EML6: variants seen among roughly 807,000 people sequenced by gnomAD.
The protein encoded by EML6 is echinoderm microtubule-associated protein-like 6.
Under a neutral mutation model 240.1 loss-of-function variants are expected in EML6, and 154 were observed. That is an observed-to-expected ratio of 0.64 (90% confidence interval 0.56 to 0.73). The LOEUF is 0.73. Among genes scored for constraint, EML6 ranks in the 30% least tolerant of loss-of-function variants. The probability of loss-of-function intolerance (pLI) is 0.00; values close to 1 mark genes in which losing one functional copy is unlikely to be tolerated. For synonymous variants in EML6, 1,148 were observed against 899.0 expected, an observed-to-expected ratio of 1.28 and a Z score of -4.95; for missense variants, 2,964 against 2,474.6, an observed-to-expected ratio of 1.20 and a Z score of -4.20.
intron 17 of EML6, among the ~76,000 whole-genome samples, chr2:54,886,058 AG>A (rs1356424654): frequency 6.6e-6 from 1 of 151,202 alleles, no homozygotes; most frequent in Non-Finnish European, 1.5e-5. Context: ...GCCAAAGTAG[AG>A]GGAATAGCAT....
chr2:54,928,118 C>G (rs902412734), intron 26 of EML6, among the ~76,000 whole-genome samples, 195 bp from the exon 27 acceptor site: 12 of 152,296 alleles, frequency 7.9e-5, no homozygotes, highest in African/African-American at 2.9e-4. Flanking sequence ...ATATTGAGGA[C>G]CTATTGTGAG....
At chr2:54,944,498 A>G (rs563329802) in intron 28 of EML6, among the ~76,000 whole-genome samples, 1 of 152,236 alleles carries the variant, frequency 6.6e-6, no homozygotes, top group East Asian at 1.9e-4. Flanking sequence ...CCTCTCTTGG[A>G]TCATCACAGT....
At chr2:54,946,739 C>G (rs1033288925) in intron 28 of EML6, among the ~76,000 whole-genome samples, 1 of 152,154 alleles carries the variant, frequency 6.6e-6, no homozygotes, top group Non-Finnish European at 1.5e-5. Flanking sequence ...ACTAAGTGTT[C>G]ACGCAGAATC....
At chr2:54,735,671 A>G (rs1413472865) in intron 2 of EML6, among the ~76,000 whole-genome samples, 1 of 152,252 alleles carries the variant, frequency 6.6e-6, no homozygotes, top group Admixed American at 6.5e-5. Flanking sequence ...TGAATGAGAC[A>G]TTCCTTTTGA....
chr2:54,773,325 C>T (rs1489097973), intron 2 of EML6, among the ~76,000 whole-genome samples: 1 of 152,266 alleles, frequency 6.6e-6, no homozygotes, highest in Non-Finnish European at 1.5e-5. Context: ...CAGCAAGACA[C>T]TAGGACAAGT....
chr2:54,864,944 G>A (rs1210950855), intron 13 of EML6, among the ~76,000 whole-genome samples: 1 of 152,172 alleles, frequency 6.6e-6, no homozygotes, highest in African/African-American at 2.4e-5. Flanking sequence ...TCTTGACTGT[G>A]CATTGACACA....
In EML6 at chr2:54,796,790, C is replaced by G. The variant is rs560408690; in HGVS notation, c.198-16442C>G. Among the ~76,000 whole-genome samples the G allele has an allele frequency of 2.6e-5, 4 of 152,002 alleles. No individual in the cohort carries two copies. The South Asian group carries it at 8.3e-4, about 32-fold the overall frequency. ...ACATAAGTGAATGCATAGAACAAAC[C>G]GTTTTAGAGCACCGCCAGGCTATTA... On this transcript the variant is annotated intron_variant, in intron 2 of 41. Transcript: ENST00000356458.
chr2:54,895,954 CAT>C (rs564513365), intron 21 of EML6, among the ~76,000 whole-genome samples: 39 of 152,340 alleles, frequency 2.6e-4, no homozygotes, highest in South Asian at 2.5e-3. Flanking sequence ...TATGTGGAAT[CAT>C]AACATTCCAT....
At position 54,960,244 on chromosome 2, in the gene EML6, A is replaced by G. The variant is rs1676433400; in HGVS notation, c.4878A>G (p.Lys1626=). 6.4e-7 allele frequency: 1 copy of G among 1,551,546 alleles called. No individual in the cohort carries two copies. Among genetic ancestry groups the G allele is most frequent in the Non-Finnish European group, 8.7e-7 (1 of 1,146,928 alleles). ...ERPTKEGGAV[K]LWDQEMKRCR... is the part of the protein sequence containing the mutation. ...GGACCAAAGAAGGAGGTGCTGTAAA[A>G]TTGTGGGACCAGGAGATGAAGCGCT... Residue 1626 remains lysine, a synonymous_variant, in exon 35 of 42, where the codon AAA becomes AAG. Coordinates refer to ENST00000356458, the MANE Select transcript of EML6 (RefSeq NM_001039753.4).
chr2:54,741,075 G>A (rs909671637), intron 2 of EML6, among the ~76,000 whole-genome samples: 1 of 152,116 alleles, frequency 6.6e-6, no homozygotes, highest in East Asian at 1.9e-4. Flanking sequence ...AAATGACAGT[G>A]CAGGCCACAC....
rs921434147 is a variant in EML6 at position 54,863,893 on chromosome 2, G to T, written c.1932+4G>T. ...TCAAATCAATTATGATCGCCAGGTC[G>T]GTAAGCAGGGAGCAATGAAAATTTG... On this transcript the variant is annotated splice_donor_region_variant and intron_variant, in intron 13 of 41. Transcript: ENST00000356458. 6.7e-7 allele frequency: 1 copy of T among 1,494,120 alleles called. No individual in the cohort carries two copies. Among genetic ancestry groups the T allele is most frequent in the Non-Finnish European group, 9.1e-7 (1 of 1,100,162 alleles). 92.6% of individuals were successfully genotyped at this position (1,494,120 alleles called of 1,614,324 possible).
intron 38 of EML6, 89 bp from the exon 39 acceptor site, chr2:54,966,911 C>T (rs1188353076): frequency 2.5e-6 from 2 of 803,434 alleles, no homozygotes; most frequent in African/African-American, 3.5e-5. Flanking sequence ...GATGCAGAGG[C>T]TGGGCAGTGT....
chr2:54,959,083 A>G, intron 33 of EML6, 21 bp from the exon 34 acceptor site: 1 of 1,543,766 alleles, frequency 6.5e-7, no homozygotes, highest in Non-Finnish European at 8.7e-7. Context: ...CCGGGTGTAG[A>G]AGATGTTGTT....
chr2:54,964,849 C>G (rs894115877), intron 38 of EML6, 116 bp downstream of exon 38: 10 of 901,176 alleles, frequency 1.1e-5, no homozygotes, highest in Non-Finnish European at 1.7e-5. Flanking sequence ...TCACTCTTCA[C>G]CAGAACTCCT....
intron 2 of EML6, among the ~76,000 whole-genome samples, chr2:54,758,382 G>A (rs1159959017): frequency 6.6e-6 from 1 of 152,148 alleles, no homozygotes; most frequent in African/African-American, 2.4e-5. Flanking sequence ...GTTTTGCCTT[G>A]CTTCTGATGG....
At chr2:54,898,452 G>A (rs1443390262) in intron 21 of EML6, among the ~76,000 whole-genome samples, 2 of 152,054 alleles carry the variant, frequency 1.3e-5, no homozygotes, top group African/African-American at 2.4e-5. Flanking sequence ...TGTGACTCTG[G>A]GGCTGGGAGG....
intron 2 of EML6, among the ~76,000 whole-genome samples, chr2:54,742,242 C>T (rs72806698): frequency 0.12 from 18,998 of 152,138 alleles, 1,357 homozygotes; most frequent in Middle Eastern, 0.18. Flanking sequence ...ACCTTTTTGC[C>T]ATTATCTCTT....
intron 26 of EML6, among the ~76,000 whole-genome samples, chr2:54,918,514 T>C (rs1201243204): frequency 1.3e-5 from 2 of 152,036 alleles, no homozygotes; most frequent in Non-Finnish European, 2.9e-5. Context: ...GCCCAGCTAA[T>C]TTTTTTACTT....
intron 9 of EML6, 144 bp downstream of exon 9, chr2:54,847,767 C>T (rs1252065850): frequency 2.2e-6 from 2 of 914,790 alleles, no homozygotes; most frequent in East Asian, 2.7e-5. Context: ...GATCCCCTAT[C>T]TGTAATTCTG....
Sources: gnomAD v4.1 joint callset for allele counts (sites outside exome capture counted in the v4.1 genomes callset) on GRCh38, gnomAD v4.1.1 for gene constraint, MANE v1.5 for transcripts, NCBI Gene and HGNC (gene_info 2026-07-23, HGNC 2026-07-21) for gene names.